Variants in RTN4 observed in about 807,000 individuals in gnomAD.
RTN4 encodes reticulon-4.
A neutral mutation model predicts 90.4 loss-of-function variants in RTN4; 32 were observed. The observed-to-expected ratio is 0.35, with a 90% CI of 0.27 to 0.48. RTN4 has a LOEUF of 0.48. Ranked by LOEUF, RTN4 falls within the 20% of genes least tolerant of loss-of-function variation. The pLI is 0.99. For missense variants in RTN4, 1,706 were observed against 1,430.2 expected (o/e 1.19, Z -3.11); for synonymous variants, 629 against 552.5 (o/e 1.14, Z -1.94).
chr2:55,075,538 G>A (rs1668584722), intron 2 of RTN4, among the ~76,000 whole-genome samples: 2 of 152,108 alleles, frequency 1.3e-5, no homozygotes, highest in South Asian at 2.1e-4. Context: ...CAAACTAAAT[G>A]CAATACCTAT....
chr2:55,040,703 G>A (rs969198270), intron 1 of RTN4, among the ~76,000 whole-genome samples: 1 of 151,882 alleles, frequency 6.6e-6, no homozygotes, highest in Non-Finnish European at 1.5e-5. Context: ...CTAAGGGCCT[G>A]TATTTTTTCC....
chr2:54,982,228 T>C (rs1324409346), intron 5 of RTN4, among the ~76,000 whole-genome samples: 2 of 152,030 alleles, frequency 1.3e-5, no homozygotes, highest in African/African-American at 2.4e-5. Context: ...AGTGCTAGGA[T>C]TACAGGTGTG....
the RTN4 span, among the ~76,000 whole-genome samples, chr2:55,132,928 A>T: frequency 6.6e-6 from 1 of 151,514 alleles, no homozygotes; most frequent in Non-Finnish European, 1.5e-5. Context: ...TTTAAAAAAC[A>T]TGGCCGGGTG....
At chr2:55,129,199 C>A in the RTN4 span, among the ~76,000 whole-genome samples, 1 of 151,294 alleles carries the variant, frequency 6.6e-6, no homozygotes, top group Non-Finnish European at 1.5e-5. Flanking sequence ...AAATGGCCAA[C>A]AGCAAAGGAA....
chr2:55,136,349 C>T, the RTN4 span, among the ~76,000 whole-genome samples: 2 of 152,180 alleles, frequency 1.3e-5, no homozygotes, highest in African/African-American at 4.8e-5. Context: ...TACAGACAGC[C>T]CACCCCAAGG....
intron 1 of RTN4, among the ~76,000 whole-genome samples, chr2:55,108,165 G>C (rs111612696): frequency 2.2e-4 from 34 of 152,194 alleles, no homozygotes; most frequent in African/African-American, 7.0e-4. Flanking sequence ...ATGTTGGCCA[G>C]GCTGGTCTCG....
In RTN4 at chr2:55,084,433, G is replaced by A. The variant is rs560033340; in HGVS notation, c.-213-3794C>T. Among the ~76,000 whole-genome samples the A allele has an allele frequency of 2.0e-5, 3 of 151,832 alleles. No homozygotes were observed. In the East Asian group the frequency reaches 5.9e-4, roughly 30 times the overall value. On this transcript the variant is annotated intron_variant, in intron 1 of 3. Coordinates refer to the RTN4 transcript ENST00000427710. ...TGGGATTACAGGTGTGAGCCACCAT[G>A]CCTGGCCATGAATTGCATCCTGTTA... is the stretch of plus-strand genomic sequence containing the variant.
chr2:55,008,314 C>G (rs1315699655), intron 3 of RTN4, among the ~76,000 whole-genome samples: 1 of 152,050 alleles, frequency 6.6e-6, no homozygotes, highest in Non-Finnish European at 1.5e-5. Context: ...TAGGCTCCTT[C>G]TCTGCTGTCA....
In RTN4 at chr2:55,049,174, C is replaced by T. The variant is rs1667948773; in HGVS notation, c.556+571G>A. 4 of 986,418 alleles carry T rather than the reference C, an allele frequency of 4.1e-6. No individual in the cohort carries two copies. The South Asian group carries it at 1.9e-4, about 46-fold the overall frequency. The allele number at this position is 986,418 out of a possible 1,614,324, so 61.1% of individuals were successfully genotyped here. ...TCAATGTGGACGTTTTCCACTCGGC[C>T]AGCTCCCCACGAGCACAGGAGGAGG... is the stretch of plus-strand genomic sequence containing the variant. On this transcript the variant is annotated intron_variant, in intron 1 of 8. Coordinates refer to ENST00000337526, the MANE Select transcript of RTN4 (RefSeq NM_020532.5).
chr2:54,978,879 A>T (rs1488886972), intron 5 of RTN4, among the ~76,000 whole-genome samples: 1 of 152,182 alleles, frequency 6.6e-6, no homozygotes, highest in African/African-American at 2.4e-5. Flanking sequence ...CGTTTAAACA[A>T]GGTAAATACA....
At chr2:55,028,907 A>C (rs915326934) in intron 1 of RTN4, among the ~76,000 whole-genome samples, 2 of 152,186 alleles carry the variant, frequency 1.3e-5, no homozygotes, top group African/African-American at 4.8e-5. Context: ...GACTAAGGCA[A>C]TTCAATTCCA....
intron 3 of RTN4, among the ~76,000 whole-genome samples, chr2:55,008,142 A>AACACAC (rs200633765): frequency 0.064 from 9,282 of 145,024 alleles, 331 homozygotes; most frequent in East Asian, 0.14. Flanking sequence ...TCGGCAAGCA[A>AACACAC]ACACACACAC....
intron 1 of RTN4, among the ~76,000 whole-genome samples, chr2:55,096,155 C>T (rs540309701): frequency 1.2e-4 from 18 of 152,130 alleles, no homozygotes; most frequent in Non-Finnish European, 2.5e-4. Flanking sequence ...GGAGAAACCC[C>T]GTCTCTACTA....
At chr2:55,056,004 G>GTA (rs1177514843) in intron 2 of RTN4, among the ~76,000 whole-genome samples, 104 of 105,488 alleles carry the variant, frequency 9.9e-4, no homozygotes, top group Non-Finnish European at 1.8e-3. Context: ...GTGTGTGTGT[G>GTA]TATATATATA....
chr2:55,092,459 C>G (rs996726773), intron 1 of RTN4, among the ~76,000 whole-genome samples: 22 of 152,074 alleles, frequency 1.4e-4, no homozygotes, highest in Non-Finnish European at 2.8e-4. Context: ...GTCTCAAACT[C>G]CCAACCTCAG....
chr2:55,136,347 G>A, the RTN4 span, among the ~76,000 whole-genome samples: 5 of 152,176 alleles, frequency 3.3e-5, no homozygotes, highest in Non-Finnish European at 7.3e-5. Flanking sequence ...CATACAGACA[G>A]CCCACCCCAA....
At chr2:55,111,936 A>G (rs1668045242) in intron 1 of RTN4, among the ~76,000 whole-genome samples, 1 of 152,334 alleles carries the variant, frequency 6.6e-6, no homozygotes, top group African/African-American at 2.4e-5. Context: ...CTCTGTGGGC[A>G]CGCACTGCTC....
chr2:54,983,738 T>A (rs1573292728), intron 4 of RTN4, among the ~76,000 whole-genome samples: 1 of 152,342 alleles, frequency 6.6e-6, no homozygotes, highest in East Asian at 1.9e-4. Flanking sequence ...AATGCCAGAA[T>A]AACCTTATGT....
At chr2:55,121,610 A>G in the RTN4 span, among the ~76,000 whole-genome samples, 3 of 152,210 alleles carry the variant, frequency 2.0e-5, no homozygotes, top group Admixed American at 6.5e-5. Flanking sequence ...AGCATGACAG[A>G]TCCTTTTATC....
Sources: allele counts gnomAD v4.1 joint callset (sites outside exome capture counted in the v4.1 genomes callset), GRCh38; gene constraint gnomAD v4.1.1; transcripts MANE v1.5; gene names NCBI Gene and HGNC (gene_info 2026-07-23, HGNC 2026-07-21).